The following CLEC16A variants were observed in gnomAD, a reference collection of about 807,000 sequenced individuals.
CLEC16A encodes the protein protein CLEC16A.
A neutral mutation model predicts 109.5 loss-of-function variants in CLEC16A; 51 were observed. The observed-to-expected ratio is 0.47, with a 90% CI of 0.37 to 0.59. The LOEUF (loss-of-function observed/expected upper bound fraction) is 0.59. CLEC16A is among the 20% of genes least tolerant of loss of function. CLEC16A has a pLI of 0.00. For missense variants in CLEC16A, 1,339 were observed against 1,394.0 expected, an observed-to-expected ratio of 0.96 and a Z score of 0.63; for synonymous variants, 673 against 564.2, an observed-to-expected ratio of 1.19 and a Z score of -2.73.
chr16:11,015,640 T>TA (rs1375268580), intron 11 of CLEC16A, among the ~76,000 whole-genome samples: 3 of 151,598 alleles, frequency 2.0e-5, no homozygotes, highest in South Asian at 2.1e-4. Context: ...TTCAGCTGCT[T>TA]AAAAAAAAAG....
intron 10 of CLEC16A, among the ~76,000 whole-genome samples, chr16:11,002,799 A>G (rs923823917): frequency 6.6e-6 from 1 of 152,136 alleles, no homozygotes; most frequent in African/African-American, 2.4e-5. Flanking sequence ...TGCAAAATAC[A>G]TGATTTCCTT....
At chr16:11,099,671 A>G (rs951321477) in intron 19 of CLEC16A, among the ~76,000 whole-genome samples, 2 of 151,972 alleles carry the variant, frequency 1.3e-5, no homozygotes, top group African/African-American at 2.4e-5. Context: ...CATGCTGTCA[A>G]CTCTGCTGGG....
intron 3 of CLEC16A, among the ~76,000 whole-genome samples, chr16:10,966,490 T>C (rs1218481423): frequency 1.3e-5 from 2 of 152,216 alleles, no homozygotes; most frequent in East Asian, 3.9e-4. Context: ...TTACACCGTG[T>C]GTATATGTAA....
intron 23 of CLEC16A, among the ~76,000 whole-genome samples, chr16:11,170,884 G>A (rs1357518016): frequency 1.3e-5 from 2 of 152,210 alleles, no homozygotes; most frequent in Admixed American, 6.5e-5. Context: ...TCTGACAGCC[G>A]ATGCAGAACA....
chr16:10,997,903 T>C (rs1414521082), intron 10 of CLEC16A, among the ~76,000 whole-genome samples: 1 of 152,266 alleles, frequency 6.6e-6, no homozygotes, highest in Non-Finnish European at 1.5e-5. Flanking sequence ...ACTTGCTTTT[T>C]CTTGTGCAGC....
intron 13 of CLEC16A, chr16:11,027,120 C>T (rs1344685722): frequency 6.6e-7 from 1 of 1,507,488 alleles, no homozygotes; most frequent in Non-Finnish European, 9.1e-7. Flanking sequence ...CCAGGCAAAG[C>T]AGGAACTTTT....
At chr16:11,139,798 T>G (rs915640057) in intron 22 of CLEC16A, among the ~76,000 whole-genome samples, 1 of 152,190 alleles carries the variant, frequency 6.6e-6, no homozygotes, top group Non-Finnish European at 1.5e-5. Flanking sequence ...TGCTAGCTGG[T>G]AAAATTCAGG....
At chr16:11,170,002 G>T (rs1343328858) in intron 23 of CLEC16A, among the ~76,000 whole-genome samples, 1 of 152,164 alleles carries the variant, frequency 6.6e-6, no homozygotes, top group Non-Finnish European at 1.5e-5. Flanking sequence ...GTGCAACTTG[G>T]CCCAGAGGAT....
At chr16:11,010,382 A>C (rs1257000751) in intron 11 of CLEC16A, among the ~76,000 whole-genome samples, 1 of 152,082 alleles carries the variant, frequency 6.6e-6, no homozygotes, top group Admixed American at 6.5e-5. Context: ...CTTTCTATTT[A>C]TACTGGTTTT....
intron 18 of CLEC16A, among the ~76,000 whole-genome samples, chr16:11,052,716 G>T (rs887246059): frequency 1.3e-5 from 2 of 152,134 alleles, no homozygotes; most frequent in Non-Finnish European, 2.9e-5. Context: ...GACTGGTTCT[G>T]ACAGATGTGT....
chr16:11,120,858 T>G (rs1260197199), intron 20 of CLEC16A, 92 bp downstream of exon 20: 1 of 1,181,730 alleles, frequency 8.5e-7, no homozygotes, highest in Admixed American at 3.7e-5. Context: ...ATTGTCATCT[T>G]TATCATTAAT....
At chr16:11,093,639 C>T (rs1009846619) in intron 19 of CLEC16A, among the ~76,000 whole-genome samples, 6 of 152,100 alleles carry the variant, frequency 3.9e-5, no homozygotes, top group Admixed American at 6.5e-5. Flanking sequence ...ATCAGCCAGG[C>T]GCCGAGGGTG....
chr16:10,972,442 C>A, intron 5 of CLEC16A, 112 bp from the exon 6 acceptor site: 1 of 903,740 alleles, frequency 1.1e-6, no homozygotes, highest in Non-Finnish European at 1.8e-6. Context: ...GCCTCCCACC[C>A]TAGTCTCTCT....
intron 11 of CLEC16A, among the ~76,000 whole-genome samples, chr16:11,009,840 G>C (rs1387533772): frequency 6.6e-6 from 1 of 152,150 alleles, no homozygotes; most frequent in Admixed American, 6.5e-5. Context: ...GATGGTTTTA[G>C]ATGGTACAGG....
intron 3 of CLEC16A, among the ~76,000 whole-genome samples, chr16:10,968,225 C>G (rs1398679928): frequency 6.6e-6 from 1 of 152,258 alleles, no homozygotes; most frequent in Non-Finnish European, 1.5e-5. Flanking sequence ...ACTGAGATAT[C>G]AAACTGCAGG....
chr16:10,987,763 T>C (rs927763222), intron 10 of CLEC16A, among the ~76,000 whole-genome samples: 10 of 152,236 alleles, frequency 6.6e-5, no homozygotes. Context: ...ACTCCTATTG[T>C]TTCCTGCCCA....
At position 11,178,135 on chromosome 16, in the gene CLEC16A, T is replaced by C. The variant is rs1200382685; in HGVS notation, c.2807-200T>C. 6.6e-6 allele frequency among the ~76,000 whole-genome samples: 1 copy of C among 152,168 alleles called. No individual in the cohort carries two copies. Among genetic ancestry groups the C allele is most frequent in the Admixed American group, 6.5e-5 (1 of 15,282 alleles). ...GGTAACCCTAGGCCCTGCTGTATTT[T>C]CCCCAGGCCTAAGTCAGACTGGATT... On this transcript the variant is annotated intron_variant, in intron 23 of 23. Transcript: ENST00000409790. This position sits in a 1 kb window ranked among gnomAD's most constrained non-coding sequence, Gnocchi z 6.5.
intron 19 of CLEC16A, among the ~76,000 whole-genome samples, chr16:11,116,603 G>A (rs780330309): frequency 1.3e-5 from 2 of 152,070 alleles, no homozygotes; most frequent in African/African-American, 4.8e-5. Context: ...GGATTGAACC[G>A]AGGCATATGT....
chr16:10,987,073 C>A (rs2043712387), intron 10 of CLEC16A, among the ~76,000 whole-genome samples: 1 of 151,988 alleles, frequency 6.6e-6, no homozygotes, highest in African/African-American at 2.4e-5. Context: ...CCAGGCTGGT[C>A]TTGAACTTCT....
Sources: gnomAD v4.1 joint callset for allele counts (sites outside exome capture counted in the v4.1 genomes callset) on GRCh38, gnomAD v4.1.1 for gene constraint, Gnocchi (gnomAD v3.1) non-coding constraint, MANE v1.5 for transcripts, NCBI Gene and HGNC (gene_info 2026-07-23, HGNC 2026-07-21) for gene names.